PRRC2C: variants seen among roughly 807,000 people sequenced by gnomAD.
PRRC2C encodes protein PRRC2C.
PRRC2C carries 72 observed loss-of-function variants against 317.2 expected under a neutral mutation model. The observed-to-expected ratio is 0.23, with a 90% CI of 0.19 to 0.28. The LOEUF is 0.28. PRRC2C is among the 10% of genes least tolerant of loss of function. The probability of loss-of-function intolerance (pLI) is 1.00; values close to 1 mark genes in which losing one functional copy is unlikely to be tolerated. For missense variants in PRRC2C, 3,074 were observed against 3,459.7 expected (o/e 0.89, Z 2.80); for synonymous variants, 1,296 against 1,205.9 (o/e 1.07, Z -1.55).
At position 171,592,155 on chromosome 1, in the gene PRRC2C, T is replaced by G; in HGVS notation, c.*308T>G. Reference sequence around the variant, plus strand: ...AGTGCATATAATTTAGACCTAAAAATCCTTATGATTAGATGAAACACCAAA... The same window carrying G: ...AGTGCATATAATTTAGACCTAAAAAGCCTTATGATTAGATGAAACACCAAA... On this transcript the variant is annotated 3_prime_UTR_variant, in exon 35 of 35. Transcript: ENST00000647382. The G allele has an allele frequency of 4.0e-6, 1 of 250,950 alleles. No individual in the cohort carries two copies. The highest frequency in any genetic ancestry group is 5.0e-5 in the Admixed American group (1 of 19,958). The allele number at this position is 250,950 out of a possible 1,614,324, so 15.5% of individuals were successfully genotyped here.
chr1:171,564,708 G>A (rs576905216), intron 20 of PRRC2C, among the ~76,000 whole-genome samples: 7 of 152,226 alleles, frequency 4.6e-5, no homozygotes, highest in African/African-American at 1.2e-4. Flanking sequence ...ACTGAATACC[G>A]TAGGCAGTTG....
chr1:171,586,661 A>G (rs1262938989), intron 30 of PRRC2C, among the ~76,000 whole-genome samples: 4 of 150,280 alleles, frequency 2.7e-5, no homozygotes, highest in Non-Finnish European at 5.9e-5. Context: ...GCTCACTGCA[A>G]CCTCCCCCTC....
rs1310803762 is a variant in PRRC2C at position 171,493,155 on chromosome 1, TG to T, written c.-58+7421del. 2.0e-5 allele frequency among the ~76,000 whole-genome samples: 3 copies of T among 152,196 alleles called. No homozygotes were observed. In the East Asian group the frequency reaches 5.8e-4, roughly 29 times the overall value. ...TTCAGTGGTAGAAGAAGAGGGCCAA[TG>T]ATACGGAGGGATGTTAACCAATTCT... is the stretch of plus-strand genomic sequence containing the variant. On this transcript the variant is annotated intron_variant, in intron 1 of 34. Coordinates refer to ENST00000647382, the MANE Select transcript of PRRC2C (RefSeq NM_001387844.1).
chr1:171,568,397 A>G, intron 23 of PRRC2C, 58 bp downstream of exon 23: 4 of 1,544,952 alleles, frequency 2.6e-6, no homozygotes, highest in East Asian at 2.4e-5. Flanking sequence ...ATTATTATCA[A>G]GCACATTATT....
chr1:171,565,175 C>A (rs867516502), intron 20 of PRRC2C, among the ~76,000 whole-genome samples: 1 of 152,096 alleles, frequency 6.6e-6, no homozygotes, highest in Non-Finnish European at 1.5e-5. Flanking sequence ...CCTCACTGAC[C>A]TTTTTTTGTT....
Position 171,512,990 on chromosome 1 carries a change from T to C in PRRC2C, c.113-5T>C, listed in dbSNP as rs773418746. On this transcript the variant is annotated splice_polypyrimidine_tract_variant and splice_region_variant and intron_variant, in intron 2 of 34. Transcript: ENST00000647382. The stretch of plus-strand genomic sequence containing the variant: ...TCTAAGAAAGTTGATGTTATTGATC[T>C]TTAGTTGCAGCTCGACATGGATTAC... 2.5e-6 allele frequency: 4 copies of C among 1,596,804 alleles called. No homozygotes were observed. In the East Asian group the frequency reaches 9.0e-5, roughly 36 times the overall value.
At chr1:171,560,922 T>A (rs765736520) in intron 19 of PRRC2C, 96 bp from the exon 20 acceptor site, 5 of 953,454 alleles carry the variant, frequency 5.2e-6, no homozygotes, top group Non-Finnish European at 8.6e-6. Flanking sequence ...TGGCTAGTAA[T>A]AGCTACACAG....
intron 27 of PRRC2C, 61 bp downstream of exon 27, chr1:171,579,527 G>C (rs766869604): frequency 3.8e-5 from 60 of 1,568,896 alleles, no homozygotes; most frequent in Non-Finnish European, 4.4e-5. Flanking sequence ...GGTTATAATA[G>C]TTATCTTGGA....
chr1:171,497,873 G>T (rs2102098267), intron 1 of PRRC2C, among the ~76,000 whole-genome samples: 1 of 152,006 alleles, frequency 6.6e-6, no homozygotes, highest in South Asian at 2.1e-4. Flanking sequence ...GGAGTGCAGT[G>T]GCACAATCAT....
At chr1:171,584,564 A>C in intron 30 of PRRC2C, 38 bp downstream of exon 30, 1 of 1,508,592 alleles carries the variant, frequency 6.6e-7, no homozygotes, top group Non-Finnish European at 8.8e-7. Flanking sequence ...AATTTTCTTT[A>C]TTATTATTTT....
intron 1 of PRRC2C, among the ~76,000 whole-genome samples, chr1:171,506,804 T>C (rs936529862): frequency 6.6e-6 from 1 of 151,904 alleles, no homozygotes; most frequent in Non-Finnish European, 1.5e-5. Context: ...AAAATGCTAG[T>C]AATACCAATT....
intron 5 of PRRC2C, 101 bp from the exon 6 acceptor site, chr1:171,517,490 C>G: frequency 9.2e-7 from 1 of 1,086,934 alleles, no homozygotes; most frequent in South Asian, 1.6e-5. Context: ...TGCTCTTTCA[C>G]TCTGCTTACT....
Position 171,512,067 on chromosome 1 carries a change from G to A in PRRC2C, c.-22G>A, listed in dbSNP as rs1232834247. ...TTAAGGGGTGTGGCAGGAGGTTTTGGACTCGATGAGTTTCCACCGAAATGT... is the reference window on the plus strand; with the variant it reads ...TTAAGGGGTGTGGCAGGAGGTTTTGAACTCGATGAGTTTCCACCGAAATGT... On this transcript the variant is annotated 5_prime_UTR_variant, in exon 2 of 35. Transcript: ENST00000647382. 1 of 1,467,648 alleles carries A rather than the reference G, an allele frequency of 6.8e-7. No homozygotes were observed. The highest frequency in any genetic ancestry group is 1.4e-5 in the African/African-American group (1 of 71,116). 90.9% of individuals were successfully genotyped at this position (1,467,648 alleles called of 1,614,324 possible).
At chr1:171,572,965 C>T (rs73040348) in intron 24 of PRRC2C, among the ~76,000 whole-genome samples, 4,054 of 152,168 alleles carry the variant, frequency 0.027, 191 homozygotes, top group African/African-American at 0.094. Flanking sequence ...ATACATAAAG[C>T]ATAGAAAAGT....
intron 17 of PRRC2C, among the ~76,000 whole-genome samples, chr1:171,549,319 G>C (rs1247173841): frequency 6.6e-6 from 1 of 152,154 alleles, no homozygotes; most frequent in Non-Finnish European, 1.5e-5. Flanking sequence ...CTACAGGCAT[G>C]TGCCACAGCA....
At chr1:171,489,536 A>T (rs1407282267) in intron 1 of PRRC2C, among the ~76,000 whole-genome samples, 1 of 152,216 alleles carries the variant, frequency 6.6e-6, no homozygotes, top group Non-Finnish European at 1.5e-5. Flanking sequence ...TTGAGTTCCT[A>T]GTTGATTATA....
chr1:171,492,575 TA>T (rs1667349343), intron 1 of PRRC2C, among the ~76,000 whole-genome samples: 1 of 151,870 alleles, frequency 6.6e-6, no homozygotes, highest in African/African-American at 2.4e-5. Flanking sequence ...AGTGGGGGAC[TA>T]ACAGGTTGCC....
Position 171,557,883 on chromosome 1 carries a change from C to T in PRRC2C, c.5771C>T (p.Pro1924Leu), listed in dbSNP as rs1681760424. The T allele has an allele frequency of 6.5e-7, 1 of 1,546,138 alleles. No individual in the cohort carries two copies. Among genetic ancestry groups the T allele is most frequent in the African/African-American group, 1.4e-5 (1 of 73,006 alleles). ...CCAGCCCCTACCCCAGTCTCAGCCC[C>T]AAATCCTGCCCCACCTGCCCCAGCC... ...PAPAPTPVSA[P>L]NPAPPAPAQT... The change falls in exon 19 of 35, where the codon CCA (proline) becomes CTA (leucine). Residue 1924 changes from proline to leucine, a missense_variant. Coordinates refer to ENST00000647382, the MANE Select transcript of PRRC2C (RefSeq NM_001387844.1).
chr1:171,490,510 A>T (rs1666934365), intron 1 of PRRC2C, among the ~76,000 whole-genome samples: 2 of 152,370 alleles, frequency 1.3e-5, no homozygotes, highest in South Asian at 4.1e-4. Context: ...CATACTTGAG[A>T]CAACCACTTT....
Sources: gnomAD v4.1 joint callset for allele counts (sites outside exome capture counted in the v4.1 genomes callset) on GRCh38, gnomAD v4.1.1 for gene constraint, MANE v1.5 for transcripts, NCBI Gene and HGNC (gene_info 2026-07-23, HGNC 2026-07-21) for gene names.